The following GATB variants were observed in gnomAD, a reference collection of about 807,000 sequenced individuals.
GATB encodes the protein glutamyl-tRNA amidotransferase subunit B, also known as glutamyl-tRNA(Gln) amidotransferase subunit B, mitochondrial.
In GATB, 39 loss-of-function variants were observed where a neutral mutation model predicts 62.3. That is an observed-to-expected ratio of 0.63 (90% CI 0.48 to 0.82). GATB has a LOEUF of 0.82. GATB is among the 40% of genes least tolerant of loss of function. The pLI is 0.00. For missense variants in GATB, 670 were observed against 684.0 expected, an observed-to-expected ratio of 0.98 and a Z score of 0.23; for synonymous variants, 276 against 258.9, an observed-to-expected ratio of 1.07 and a Z score of -0.63.
intron 2 of GATB, among the ~76,000 whole-genome samples, chr4:151,743,569 A>C (rs1739539865): frequency 6.6e-6 from 1 of 152,248 alleles, no homozygotes; most frequent in South Asian, 2.1e-4. Context: ...GACTTCCAGC[A>C]ACTTCAACTA....
At chr4:151,759,267 G>A (rs952074712) in intron 1 of GATB, among the ~76,000 whole-genome samples, 4 of 152,108 alleles carry the variant, frequency 2.6e-5, no homozygotes, top group Non-Finnish European at 4.4e-5. Flanking sequence ...AGTGAAAAGC[G>A]GCATTTAACA....
intron 2 of GATB, among the ~76,000 whole-genome samples, chr4:151,736,647 T>A (rs770374227): frequency 6.6e-6 from 1 of 152,228 alleles, no homozygotes; most frequent in Non-Finnish European, 1.5e-5. Flanking sequence ...TGTGCTCACA[T>A]TTTAATGATG....
chr4:151,688,658 T>C lies in GATB; in HGVS notation c.1303A>G (p.Lys435Glu). ...WVLNTFLGYL[K>E]QQNLAVSESP... The stretch of plus-strand genomic sequence containing the variant: ...TCACTGACAGCGAGGTTCTGTTGCT[T>C]TAAATAGCCCAGAAAAGTGTTGAGG... Residue 435 changes from lysine (K) to glutamate (E), a missense_variant, in exon 10 of 13, where the codon AAG (lysine) becomes GAG (glutamate). Lys to Glu is a moderately conservative substitution (Grantham distance 56). Coordinates refer to ENST00000263985, the MANE Select transcript of GATB (RefSeq NM_004564.3). The C allele has an allele frequency of 6.2e-7, 1 of 1,610,384 alleles. No homozygotes were observed. Among genetic ancestry groups the C allele is most frequent in the East Asian group, 2.2e-5 (1 of 44,842 alleles).
intron 2 of GATB, chr4:151,724,521 C>T (rs572994746): frequency 1.3e-5 from 2 of 152,312 alleles, no homozygotes; most frequent in East Asian, 1.9e-4. Flanking sequence ...GGCTTCAATG[C>T]TCTTTGTGGT....
intron 10 of GATB, among the ~76,000 whole-genome samples, chr4:151,683,176 C>T (rs755499552): frequency 6.6e-5 from 8 of 121,302 alleles, no homozygotes; most frequent in Non-Finnish European, 1.1e-4. Flanking sequence ...CAGTCACTTG[C>T]GTCTGCCCAG....
chr4:151,688,448 A>G (rs1738295831), intron 10 of GATB, among the ~76,000 whole-genome samples, 182 bp downstream of exon 10: 1 of 152,200 alleles, frequency 6.6e-6, no homozygotes, highest in African/African-American at 2.4e-5. Context: ...TTGAAGGAAT[A>G]AATACATTTT....
chr4:151,737,308 C>T (rs1739395511), intron 2 of GATB, among the ~76,000 whole-genome samples: 1 of 152,190 alleles, frequency 6.6e-6, no homozygotes, highest in Non-Finnish European at 1.5e-5. Context: ...AGCAAAGAGA[C>T]TGGTGGCACT....
chr4:151,705,140 C>CA lies in GATB; in HGVS notation c.962+44dup. The CA allele has an allele frequency of 4.3e-6, 6 of 1,391,586 alleles. No homozygotes were observed. The South Asian group carries it at 7.0e-5, about 16-fold the overall frequency. The allele number at this position is 1,391,586 out of a possible 1,614,324, so 86.2% of individuals were successfully genotyped here. On this transcript the variant is annotated intron_variant, in intron 7 of 12. Transcript: ENST00000263985. ...TCAGTGGCTGAGCCCAGCCCTCTCGCACCACCCCCGGCTGTGGTCAGGACG... is the reference window on the plus strand; with the variant it reads ...TCAGTGGCTGAGCCCAGCCCTCTCGCAACCACCCCCGGCTGTGGTCAGGACG...
chr4:151,717,716 G>A (rs1198705258), intron 3 of GATB, among the ~76,000 whole-genome samples: 1 of 152,178 alleles, frequency 6.6e-6, no homozygotes, highest in Non-Finnish European at 1.5e-5. Context: ...TCCCTCACCT[G>A]CTTCTAAGTG....
In GATB at chr4:151,708,056, C is replaced by T. The variant is rs756493402; in HGVS notation, c.809G>A (p.Gly270Glu). 9 of 1,614,032 alleles carry T rather than the reference C, an allele frequency of 5.6e-6. No homozygotes were observed. The highest frequency in any genetic ancestry group is 7.6e-6 in the Non-Finnish European group (9 of 1,180,000). ...TTCCGTTCGAACGCCCAAAGGCTCCCCAGGGTGATGCACGGATATATTGGC... is the reference window on the plus strand; with the variant it reads ...TTCCGTTCGAACGCCCAAAGGCTCCTCAGGGTGATGCACGGATATATTGGC... The part of the protein sequence containing the change: ...VDANISVHHP[G>E]EPLGVRTEVK... The change falls in exon 6 of 13, where the codon GGG becomes GAG. Residue 270 changes from glycine to glutamate, a missense_variant. Coordinates refer to ENST00000263985, the MANE Select transcript of GATB (RefSeq NM_004564.3).
chr4:151,735,165 T>A (rs1374780538), intron 2 of GATB, among the ~76,000 whole-genome samples: 2 of 145,664 alleles, frequency 1.4e-5, no homozygotes, highest in Non-Finnish European at 1.5e-5. Context: ...TGGGAGAAAA[T>A]CTTCACAATC....
At chr4:151,751,962 C>T (rs551864014) in intron 2 of GATB, among the ~76,000 whole-genome samples, 1 of 152,298 alleles carries the variant, frequency 6.6e-6, no homozygotes, top group African/African-American at 2.4e-5. Context: ...CCTGAAACTT[C>T]TCTATTATTC....
chr4:151,748,712 G>T (rs1311336766), intron 2 of GATB, among the ~76,000 whole-genome samples: 2 of 152,090 alleles, frequency 1.3e-5, no homozygotes, highest in Non-Finnish European at 2.9e-5. Context: ...AACTACCATC[G>T]GAGTGAACAG....
In GATB at chr4:151,705,995, C is replaced by T. The variant is rs556122885; in HGVS notation, c.878-726G>A. Among the ~76,000 whole-genome samples the T allele has an allele frequency of 5.3e-5, 8 of 152,262 alleles. No individual in the cohort carries two copies. The South Asian group carries it at 8.3e-4, about 16-fold the overall frequency. Reference sequence around the variant, plus strand: ...CTGCTAAACTGCTTTATGAAAATATCTTGAGCCTCCACCTTAACTCTCCCT... The same window carrying T: ...CTGCTAAACTGCTTTATGAAAATATTTTGAGCCTCCACCTTAACTCTCCCT... On this transcript the variant is annotated intron_variant, in intron 6 of 12. Coordinates refer to ENST00000263985, the MANE Select transcript of GATB (RefSeq NM_004564.3).
chr4:151,708,032 T>TC lies in GATB; in HGVS notation c.832dup (p.Glu278GlyfsTer18). On this transcript the variant is annotated frameshift_variant, in exon 6 of 13. Coordinates refer to ENST00000263985, the MANE Select transcript of GATB (RefSeq NM_004564.3). LOFTEE classifies it high-confidence loss of function. ...CCTGATGCTGTTGAGATTCTTCACT[T>TC]CCGTTCGAACGCCCAAAGGCTCCCC... 6.2e-7 allele frequency: 1 copy of TC among 1,614,176 alleles called. No homozygotes were observed. The highest frequency in any genetic ancestry group is 1.1e-5 in the South Asian group (1 of 91,082).
chr4:151,713,273 G>C (rs1435858722), intron 5 of GATB, among the ~76,000 whole-genome samples: 1 of 152,126 alleles, frequency 6.6e-6, no homozygotes, highest in Non-Finnish European at 1.5e-5. Flanking sequence ...TAGAAATAAA[G>C]CAGACGATCA....
At chr4:151,700,157 C>A (rs543455756) in intron 9 of GATB, among the ~76,000 whole-genome samples, 2 of 152,158 alleles carry the variant, frequency 1.3e-5, no homozygotes, top group South Asian at 2.1e-4. Context: ...GTGCTCTGTA[C>A]GGAATGCTGA....
At chr4:151,753,109 G>A (rs946152985) in intron 2 of GATB, among the ~76,000 whole-genome samples, 1 of 152,126 alleles carries the variant, frequency 6.6e-6, no homozygotes, top group Admixed American at 6.5e-5. Flanking sequence ...AAAAGAACTG[G>A]GTAGGTCCTG....
chr4:151,695,603 T>C lies in GATB; in HGVS notation c.1197+5726A>G, dbSNP rs541049815. 5.9e-5 allele frequency among the ~76,000 whole-genome samples: 9 copies of C among 152,272 alleles called. No homozygotes were observed. The East Asian group carries it at 1.4e-3, about 23-fold the overall frequency. ...ACGAGCTTCAGATCTTCCCGTCTAC[T>C]GACTGCATGCACAGCCAGGGCCCTG... On this transcript the variant is annotated intron_variant, in intron 9 of 12. Coordinates refer to ENST00000263985, the MANE Select transcript of GATB (RefSeq NM_004564.3).
Sources: gnomAD v4.1 joint callset for allele counts (sites outside exome capture counted in the v4.1 genomes callset) on GRCh38, gnomAD v4.1.1 for gene constraint, MANE v1.5 for transcripts, NCBI Gene and HGNC (gene_info 2026-07-23, HGNC 2026-07-21) for gene names.